CDH12: variants seen among roughly 807,000 people sequenced by gnomAD.
CDH12 encodes the protein cadherin 12, also known as cadherin-12.
Under a neutral mutation model 74.1 loss-of-function variants are expected in CDH12, and 41 were observed. The observed-to-expected ratio is 0.55, with a 90% confidence interval of 0.43 to 0.72. The LOEUF (loss-of-function observed/expected upper bound fraction) is 0.72, where lower values mean the gene tolerates loss of function less well. Among genes scored for constraint, CDH12 ranks in the 30% least tolerant of loss-of-function variants. CDH12 has a pLI of 0.00. For synonymous variants in CDH12, 399 were observed against 355.0 expected, an observed-to-expected ratio of 1.12 and a Z score of -1.39; for missense variants, 945 against 977.2, an observed-to-expected ratio of 0.97 and a Z score of 0.44.
At chr5:22,239,351 G>T in intron 3 of CDH12, among the ~76,000 whole-genome samples, 1 of 151,958 alleles carries the variant, frequency 6.6e-6, no homozygotes, top group Non-Finnish European at 1.5e-5. Context: ...TAATTTGAGA[G>T]ATATGTATTG....
chr5:22,170,225 G>T (rs1474623815), intron 4 of CDH12, among the ~76,000 whole-genome samples: 1 of 151,742 alleles, frequency 6.6e-6, no homozygotes, highest in Admixed American at 6.6e-5. Context: ...TTTTATTGAA[G>T]ATATCAATAT....
chr5:22,403,181 A>C (rs1467211708), intron 3 of CDH12, among the ~76,000 whole-genome samples: 1 of 152,202 alleles, frequency 6.6e-6, no homozygotes, highest in Non-Finnish European at 1.5e-5. Flanking sequence ...ACAGTCTCTG[A>C]AACTGTGAGA....
intron 3 of CDH12, among the ~76,000 whole-genome samples, chr5:22,316,190 T>A (rs1222912978): frequency 1.3e-5 from 2 of 151,174 alleles, no homozygotes; most frequent in Admixed American, 6.6e-5. Flanking sequence ...CTCCAATACA[T>A]ACTAATCTAA....
intron 4 of CDH12, among the ~76,000 whole-genome samples, chr5:22,195,045 T>G (rs1392424487): frequency 6.6e-6 from 1 of 152,204 alleles, no homozygotes; most frequent in African/African-American, 2.4e-5. Flanking sequence ...GACCTGATGA[T>G]ATTATCCCAA....
chr5:22,430,134 G>A (rs1441485485), intron 2 of CDH12, among the ~76,000 whole-genome samples: 1 of 152,098 alleles, frequency 6.6e-6, no homozygotes, highest in Non-Finnish European at 1.5e-5. Context: ...TCCTAATGGG[G>A]AGTGATTTTC....
At chr5:22,712,340 T>C (rs902979936) in intron 1 of CDH12, among the ~76,000 whole-genome samples, 21 of 152,116 alleles carry the variant, frequency 1.4e-4, no homozygotes, top group African/African-American at 3.6e-4. Context: ...AAGTTTGTTT[T>C]ATTATTTAGA....
At chr5:22,184,153 T>C (rs1749801147) in intron 4 of CDH12, among the ~76,000 whole-genome samples, 1 of 152,084 alleles carries the variant, frequency 6.6e-6, no homozygotes, top group Admixed American at 6.5e-5. Context: ...CTTTATTAAA[T>C]GGGCAATAAT....
At chr5:22,678,044 T>TGGGG (rs61039186) in intron 1 of CDH12, among the ~76,000 whole-genome samples, 4 of 135,210 alleles carry the variant, frequency 3.0e-5, no homozygotes, top group South Asian at 2.6e-4. Flanking sequence ...ACCATCCTCA[T>TGGGG]GGGGGGGGGG....
Position 22,258,455 on chromosome 5 carries a change from C to A in CDH12, c.-332-45812G>T, listed in dbSNP as rs73742078. 3.5e-3 allele frequency among the ~76,000 whole-genome samples: 537 copies of A among 152,134 alleles called. 2 individuals are homozygous for A. Among genetic ancestry groups the A allele is most frequent in the African/African-American group, 0.013 (523 of 41,500 alleles). On this transcript the variant is annotated intron_variant, in intron 3 of 14. Coordinates refer to ENST00000382254, the MANE Select transcript of CDH12 (RefSeq NM_004061.5). ...GCCTCTGTATCTCCCCACCACCAAC[C>A]TCTTAAAAGAATAAGATAACAGCAT...
At chr5:22,031,508 C>T (rs993492792) in intron 5 of CDH12, among the ~76,000 whole-genome samples, 1 of 152,076 alleles carries the variant, frequency 6.6e-6, no homozygotes, top group Non-Finnish European at 1.5e-5. Context: ...TCTTTGCACT[C>T]ACAAGTTGGC....
chr5:21,867,529 G>A (rs1254859075), intron 6 of CDH12, among the ~76,000 whole-genome samples: 2 of 152,200 alleles, frequency 1.3e-5, no homozygotes, highest in South Asian at 2.1e-4. Context: ...TGTGAGACAT[G>A]TAGTCAAAGG....
intron 4 of CDH12, among the ~76,000 whole-genome samples, chr5:22,181,526 T>G (rs1376076493): frequency 6.6e-6 from 1 of 152,220 alleles, no homozygotes; most frequent in Admixed American, 6.5e-5. Context: ...TATTGCTATT[T>G]TGTGCCAGTG....
At chr5:22,796,022 A>T (rs932216698) in intron 1 of CDH12, among the ~76,000 whole-genome samples, 6 of 152,114 alleles carry the variant, frequency 3.9e-5, no homozygotes, top group East Asian at 3.9e-4. Context: ...AAAAAATTAC[A>T]TGAGTTTGTT....
intron 5 of CDH12, among the ~76,000 whole-genome samples, chr5:21,985,273 G>C (rs1757466710): frequency 6.6e-6 from 1 of 152,054 alleles, no homozygotes; most frequent in Admixed American, 6.6e-5. Flanking sequence ...TGTTCTATCT[G>C]TTTTACTATC....
At chr5:22,596,952 C>A (rs1238513757) in intron 1 of CDH12, among the ~76,000 whole-genome samples, 1 of 152,156 alleles carries the variant, frequency 6.6e-6, no homozygotes, top group Non-Finnish European at 1.5e-5. Flanking sequence ...AGGGCCAAAG[C>A]CTGTTAATTT....
chr5:22,109,004 C>A (rs1376549346), intron 4 of CDH12, among the ~76,000 whole-genome samples: 1 of 151,922 alleles, frequency 6.6e-6, no homozygotes, highest in Admixed American at 6.6e-5. Context: ...TTTTACCAAG[C>A]GATTACCAGA....
chr5:22,636,528 C>T (rs1366793396), intron 1 of CDH12, among the ~76,000 whole-genome samples: 2 of 151,864 alleles, frequency 1.3e-5, no homozygotes, highest in Non-Finnish European at 2.9e-5. Context: ...TATAGATGTA[C>T]AATGAAAATG....
At chr5:22,016,779 G>A (rs924354331) in intron 5 of CDH12, among the ~76,000 whole-genome samples, 1 of 152,096 alleles carries the variant, frequency 6.6e-6, no homozygotes, top group African/African-American at 2.4e-5. Context: ...TTCTACTCTA[G>A]TGGTTTATTC....
At chr5:22,284,842 G>T (rs989738534) in intron 3 of CDH12, among the ~76,000 whole-genome samples, 2 of 149,406 alleles carry the variant, frequency 1.3e-5, no homozygotes, top group Non-Finnish European at 1.5e-5. Flanking sequence ...TGAAAGAAGG[G>T]ATTTTTAAAA....
Sources: allele counts gnomAD v4.1 joint callset (sites outside exome capture counted in the v4.1 genomes callset), GRCh38; gene constraint gnomAD v4.1.1; transcripts MANE v1.5; gene names NCBI Gene and HGNC (gene_info 2026-07-23, HGNC 2026-07-21).